ADGRL3: variants seen among roughly 807,000 people sequenced by gnomAD.
The protein encoded by ADGRL3 is calcium-independent alpha-latrotoxin receptor 3.
ADGRL3 carries 62 observed loss-of-function variants against 153.5 expected under a neutral mutation model. The observed-to-expected ratio is 0.40, with a 90% CI of 0.33 to 0.50. The LOEUF (loss-of-function observed/expected upper bound fraction) is 0.50, where lower values mean the gene tolerates loss of function less well. Ranked by LOEUF, ADGRL3 falls within the 20% of genes least tolerant of loss-of-function variation. ADGRL3 has a pLI of 0.47. For missense variants in ADGRL3, 1,641 were observed against 1,859.4 expected (o/e 0.88, Z 2.16); for synonymous variants, 710 against 672.5 (o/e 1.06, Z -0.86).
At chr4:61,756,691 T>C (rs192959906) in intron 8 of ADGRL3, among the ~76,000 whole-genome samples, 1 of 152,338 alleles carries the variant, frequency 6.6e-6, no homozygotes, top group African/African-American at 2.4e-5. Flanking sequence ...CATCCCTGTC[T>C]TGTGCCGGTT....
chr4:61,800,843 T>C (rs1002902973), intron 8 of ADGRL3, among the ~76,000 whole-genome samples: 4 of 152,298 alleles, frequency 2.6e-5, no homozygotes, highest in African/African-American at 9.6e-5. Flanking sequence ...CAGGATGATG[T>C]GATGACAGTG....
intron 9 of ADGRL3, among the ~76,000 whole-genome samples, chr4:61,841,940 C>T (rs1212706391): frequency 6.6e-6 from 1 of 152,124 alleles, no homozygotes; most frequent in African/African-American, 2.4e-5. Flanking sequence ...TTTAGCTGTC[C>T]TTAGTAAGAG....
intron 1 of ADGRL3, among the ~76,000 whole-genome samples, chr4:61,215,538 GGA>G (rs1360102155): frequency 2.9e-5 from 4 of 138,654 alleles, no homozygotes; most frequent in African/African-American, 1.0e-4. Flanking sequence ...CTTCTATTAT[GGA>G]ATTTTTTTTT....
chr4:61,739,934 C>A (rs1010735980), intron 8 of ADGRL3, among the ~76,000 whole-genome samples: 6 of 152,128 alleles, frequency 3.9e-5, no homozygotes, highest in African/African-American at 1.4e-4. Context: ...GTTTAGTTGA[C>A]AAATTGTAGG....
intron 2 of ADGRL3, among the ~76,000 whole-genome samples, chr4:61,405,225 C>T (rs2096979419): frequency 6.6e-6 from 1 of 151,954 alleles, no homozygotes. Context: ...TGATTTTACA[C>T]TGAATAAGCG....
intron 19 of ADGRL3, among the ~76,000 whole-genome samples, chr4:61,991,903 A>G (rs1581778143): frequency 6.8e-6 from 1 of 147,854 alleles, no homozygotes; most frequent in Admixed American, 6.8e-5. Flanking sequence ...TATAAAATAC[A>G]TTTATATATA....
At chr4:61,561,472 A>G (rs2098794858) in intron 4 of ADGRL3, among the ~76,000 whole-genome samples, 3 of 152,198 alleles carry the variant, frequency 2.0e-5, no homozygotes, top group Admixed American at 2.0e-4. Flanking sequence ...TTCCAGGAAG[A>G]AAAATAAGAC....
intron 1 of ADGRL3, among the ~76,000 whole-genome samples, chr4:61,272,465 A>C (rs2093243693): frequency 6.6e-6 from 1 of 152,094 alleles, no homozygotes; most frequent in Admixed American, 6.6e-5. Context: ...TCTGCCCTGC[A>C]TTTTATGTAA....
Position 61,432,573 on chromosome 4 carries a change from CCTTT to C in ADGRL3, c.-174+49465_-174+49468del, listed in dbSNP as rs1219373046. Among the ~76,000 whole-genome samples the C allele has an allele frequency of 6.4e-3, 229 of 35,778 alleles. 5 individuals carry two copies. The highest frequency in any genetic ancestry group is 0.017 in the African/African-American group (219 of 12,970). The allele number at this position is 35,778 out of a possible 152,430, so 23.5% of individuals were successfully genotyped here. A position where few individuals can be genotyped will look rare whatever the true frequency, so the allele number is the denominator to read the frequency against. On this transcript the variant is annotated intron_variant, in intron 2 of 26. Coordinates refer to ENST00000683033, the MANE Select transcript of ADGRL3 (RefSeq NM_001387552.1). ...TTTATAGATTTCTTTTCTTTCTCTTCCTTTCTTTCTTTCTTTCTTTCTTTCTTTC... is the reference window on the plus strand; with the variant it reads ...TTTATAGATTTCTTTTCTTTCTCTTCCTTTCTTTCTTTCTTTCTTTCTTTC...
chr4:61,269,234 C>G (rs2093022026), intron 1 of ADGRL3, among the ~76,000 whole-genome samples: 1 of 151,586 alleles, frequency 6.6e-6, no homozygotes, highest in African/African-American at 2.4e-5. Context: ...TTCAGACATT[C>G]TTTTTCTCTC....
At chr4:61,347,433 A>G (rs2095943014) in intron 1 of ADGRL3, among the ~76,000 whole-genome samples, 1 of 152,146 alleles carries the variant, frequency 6.6e-6, no homozygotes, top group Non-Finnish European at 1.5e-5. Context: ...ACACCATCCT[A>G]GTATTCAGTA....
intron 8 of ADGRL3, among the ~76,000 whole-genome samples, chr4:61,752,034 T>C (rs1003429901): frequency 6.6e-6 from 1 of 152,162 alleles, no homozygotes; most frequent in Non-Finnish European, 1.5e-5. Context: ...GTTAACAATA[T>C]GATTAAGGAC....
At chr4:61,335,871 G>T (rs1199553813) in intron 1 of ADGRL3, among the ~76,000 whole-genome samples, 1 of 151,970 alleles carries the variant, frequency 6.6e-6, no homozygotes, top group Non-Finnish European at 1.5e-5. Context: ...CTTTTGTTTT[G>T]AAACCCAGTA....
chr4:61,462,282 T>G (rs1044231537), intron 2 of ADGRL3, among the ~76,000 whole-genome samples: 4 of 152,188 alleles, frequency 2.6e-5, no homozygotes, highest in African/African-American at 9.6e-5. Flanking sequence ...AAATCTACAT[T>G]AAGATCAAAT....
chr4:61,318,550 A>G (rs2095285277), intron 1 of ADGRL3, among the ~76,000 whole-genome samples: 1 of 152,114 alleles, frequency 6.6e-6, no homozygotes, highest in African/African-American at 2.4e-5. Context: ...TTGAGTCATC[A>G]CCCCTTTTTA....
intron 2 of ADGRL3, among the ~76,000 whole-genome samples, chr4:61,475,837 A>G (rs1296593124): frequency 2.0e-5 from 3 of 152,178 alleles, no homozygotes; most frequent in Non-Finnish European, 4.4e-5. Flanking sequence ...TCTCTTATTC[A>G]CTGTTAAGCG....
chr4:61,962,365 A>G (rs1321706855), intron 17 of ADGRL3, among the ~76,000 whole-genome samples: 3 of 152,230 alleles, frequency 2.0e-5, no homozygotes, highest in Non-Finnish European at 4.4e-5. Flanking sequence ...ATACAATACT[A>G]TAATCTACTA....
Position 61,728,718 on chromosome 4 carries a change from ACTT to A in ADGRL3, c.584-1900_584-1898del, listed in dbSNP as rs1333079198. 5.3e-5 allele frequency among the ~76,000 whole-genome samples: 8 copies of A among 152,166 alleles called. No homozygotes were observed. In the South Asian group the frequency reaches 1.2e-3, roughly 24 times the overall value. On this transcript the variant is annotated intron_variant, in intron 6 of 26. Transcript: ENST00000683033. ...TCAAGGAACCAAATTAGTTCTGAAAACTTCTTTGTAGGCTAGTTGTTGACAAAT... is the reference window on the plus strand; with the variant it reads ...TCAAGGAACCAAATTAGTTCTGAAAACTTTGTAGGCTAGTTGTTGACAAAT...
At chr4:61,272,796 G>A (rs2093266781) in intron 1 of ADGRL3, among the ~76,000 whole-genome samples, 1 of 152,132 alleles carries the variant, frequency 6.6e-6, no homozygotes, top group Non-Finnish European at 1.5e-5. Flanking sequence ...GAGGGTTTGT[G>A]TAATCAAATG....
Sources: gnomAD v4.1 joint callset for allele counts (sites outside exome capture counted in the v4.1 genomes callset) on GRCh38, gnomAD v4.1.1 for gene constraint, MANE v1.5 for transcripts, NCBI Gene and HGNC (gene_info 2026-07-23, HGNC 2026-07-21) for gene names.